Variants in PRSS3 observed in about 807,000 individuals in gnomAD.
PRSS3 encodes the protein trypsin-3.
A neutral mutation model predicts 20.8 loss-of-function variants in PRSS3; 14 were observed. That is an observed-to-expected ratio of 0.67 (90% confidence interval 0.44 to 1.05). The LOEUF (loss-of-function observed/expected upper bound fraction) is 1.05, where lower values mean the gene tolerates loss of function less well. Among genes scored for constraint, PRSS3 ranks in the 50% least tolerant of loss-of-function variants. PRSS3 has a pLI of 0.00. For missense variants in PRSS3, 237 were observed against 306.4 expected, an observed-to-expected ratio of 0.77 and a Z score of 1.69; for synonymous variants, 91 against 117.6, an observed-to-expected ratio of 0.77 and a Z score of 1.46.
chr9:33,756,407 T>C (rs1380335224), intron 1 of PRSS3, among the ~76,000 whole-genome samples: 3 of 152,098 alleles, frequency 2.0e-5, no homozygotes, highest in South Asian at 2.1e-4. Flanking sequence ...TACAGGGAGG[T>C]ATCAGTCACT....
At chr9:33,768,860 AAAAAAT>A (rs1231540227) in intron 1 of PRSS3, among the ~76,000 whole-genome samples, 1 of 152,220 alleles carries the variant, frequency 6.6e-6, no homozygotes, top group Non-Finnish European at 1.5e-5. Context: ...CGTCTCCACA[AAAAAAT>A]AAAAATAAAA....
At chr9:33,764,261 G>T (rs1368644596) in intron 1 of PRSS3, among the ~76,000 whole-genome samples, 1 of 152,204 alleles carries the variant, frequency 6.6e-6, no homozygotes, top group African/African-American at 2.4e-5. Flanking sequence ...CAGAGGTCAG[G>T]TGCAGTGGTT....
At chr9:33,788,911 T>G (rs547589528) in intron 1 of PRSS3, among the ~76,000 whole-genome samples, 21 of 152,328 alleles carry the variant, frequency 1.4e-4, no homozygotes, top group African/African-American at 3.8e-4. Context: ...GTTTACTAAT[T>G]CACACCTCAG....
At position 33,786,641 on chromosome 9, in the gene PRSS3, T is replaced by C. The variant is rs560151558; in HGVS notation, c.-52-8105T>C. ...CAGCCAAGTCACCATGATGTTCTGG[T>C]ACTGTCAGCAACCTGGACAGAGCGT... is the stretch of plus-strand genomic sequence containing the variant. On this transcript the variant is annotated intron_variant, in intron 1 of 5. Coordinates refer to the PRSS3 transcript ENST00000342836. 1.1e-4 allele frequency: 88 copies of C among 766,410 alleles called. No individual in the cohort carries two copies. The South Asian group carries it at 1.2e-3, about 10-fold the overall frequency. 47.5% of individuals were successfully genotyped at this position (766,410 alleles called of 1,614,324 possible). A position where few individuals can be genotyped will look rare whatever the true frequency, so the allele number is the denominator to read the frequency against.
chr9:33,793,207 C>G (rs1216712739), upstream of PRSS3, among the ~76,000 whole-genome samples: 1 of 152,222 alleles, frequency 6.6e-6, no homozygotes, highest in Non-Finnish European at 1.5e-5. Context: ...GAGCCACAAG[C>G]ACTGATCCAA....
At chr9:33,786,867 C>G in intron 1 of PRSS3, 2 of 666,636 alleles carry the variant, frequency 3.0e-6, no homozygotes, top group Non-Finnish European at 5.5e-6. Context: ...AAGCAAGAAC[C>G]TCAGCTCCCT....
chr9:33,779,385 T>G (rs1824078161), intron 1 of PRSS3, among the ~76,000 whole-genome samples: 1 of 152,316 alleles, frequency 6.6e-6, no homozygotes, highest in East Asian at 1.9e-4. Flanking sequence ...ATAGCCATTT[T>G]GAGAATCAGA....
intron 1 of PRSS3, among the ~76,000 whole-genome samples, chr9:33,760,554 G>A (rs943826332): frequency 6.6e-6 from 1 of 151,996 alleles, no homozygotes; most frequent in African/African-American, 2.4e-5. Context: ...AGACCATCCT[G>A]GCTAACACAG....
intron 1 of PRSS3, among the ~76,000 whole-genome samples, chr9:33,758,520 C>A (rs781476718): frequency 1.8e-4 from 27 of 152,222 alleles, no homozygotes; most frequent in Non-Finnish European, 3.1e-4. Context: ...GACATAAGTG[C>A]AGTCTCTCTT....
At chr9:33,758,944 T>C (rs1431310549) in intron 1 of PRSS3, among the ~76,000 whole-genome samples, 1 of 152,224 alleles carries the variant, frequency 6.6e-6, no homozygotes, top group African/African-American at 2.4e-5. Context: ...AAGACATATG[T>C]CACTATATAA....
chr9:33,779,546 A>T (rs1223919618), intron 1 of PRSS3, among the ~76,000 whole-genome samples: 1 of 152,206 alleles, frequency 6.6e-6, no homozygotes, highest in Non-Finnish European at 1.5e-5. Context: ...ATCAACTTAG[A>T]TGAAAATTAA....
upstream of PRSS3, chr9:33,794,660 C>T: frequency 4.2e-6 from 6 of 1,425,142 alleles, no homozygotes; most frequent in Non-Finnish European, 5.5e-6. Flanking sequence ...ATGGTCCAAA[C>T]TCTGACATCT....
At chr9:33,754,032 CTTTT>C (rs958799781) in intron 1 of PRSS3, among the ~76,000 whole-genome samples, 1 of 151,426 alleles carries the variant, frequency 6.6e-6, no homozygotes, top group African/African-American at 2.4e-5. Flanking sequence ...CTTGTCTTGT[CTTTT>C]TTTTTCTTTT....
chr9:33,768,750 G>T (rs1370164705), intron 1 of PRSS3, among the ~76,000 whole-genome samples: 1 of 152,076 alleles, frequency 6.6e-6, no homozygotes, highest in East Asian at 1.9e-4. Context: ...CAGCTACTCG[G>T]GGAGCTGAGG....
chr9:33,752,034 G>T (rs140044960), intron 1 of PRSS3, among the ~76,000 whole-genome samples: 1 of 152,274 alleles, frequency 6.6e-6, no homozygotes, highest in Non-Finnish European at 1.5e-5. Flanking sequence ...ATGACCTCTG[G>T]CTGTGCATTA....
chr9:33,785,637 A>G (rs1824371630), intron 1 of PRSS3, among the ~76,000 whole-genome samples: 1 of 152,216 alleles, frequency 6.6e-6, no homozygotes, highest in African/African-American at 2.4e-5. Context: ...ATAAGAGACA[A>G]TGCATTTAAT....
chr9:33,751,093 G>A (rs1822673484), intron 1 of PRSS3, among the ~76,000 whole-genome samples: 1 of 152,198 alleles, frequency 6.6e-6, no homozygotes, highest in African/African-American at 2.4e-5. Flanking sequence ...CTGCCGCGTT[G>A]CAGGGTGAGG....
At chr9:33,778,197 A>G (rs532608141) in intron 1 of PRSS3, among the ~76,000 whole-genome samples, 103 of 152,328 alleles carry the variant, frequency 6.8e-4, no homozygotes, top group Middle Eastern at 3.4e-3. Context: ...GACTTCTTCA[A>G]TCTAATAAAG....
intron 1 of PRSS3, among the ~76,000 whole-genome samples, chr9:33,779,772 G>A (rs555032794): frequency 6.7e-6 from 1 of 150,168 alleles, no homozygotes; most frequent in African/African-American, 2.4e-5. Context: ...GGGAGGCTGA[G>A]GCAGGAGAAT....
Sources: gnomAD v4.1 joint callset for allele counts (sites outside exome capture counted in the v4.1 genomes callset) on GRCh38, gnomAD v4.1.1 for gene constraint, MANE v1.5 for transcripts, NCBI Gene and HGNC (gene_info 2026-07-23, HGNC 2026-07-21) for gene names.